Variants in ZNF592 observed in about 807,000 individuals in gnomAD.
ZNF592 encodes spinocerebellar ataxia, autosomal recessive 5.
In ZNF592, 11 loss-of-function variants were observed where a neutral mutation model predicts 80.3. That is an observed-to-expected ratio of 0.14 (90% CI 0.09 to 0.23). ZNF592 has a LOEUF of 0.23. ZNF592 is among the 10% of genes least tolerant of loss of function. The pLI is 1.00. For synonymous variants in ZNF592, 646 were observed against 640.3 expected, an observed-to-expected ratio of 1.01 and a Z score of -0.13; for missense variants, 1,420 against 1,633.9, an observed-to-expected ratio of 0.87 and a Z score of 2.26.
Position 84,782,827 on chromosome 15 carries a change from G to C in ZNF592, c.152G>C (p.Ser51Thr). The C allele has an allele frequency of 6.2e-7, 1 of 1,614,124 alleles. No individual in the cohort carries two copies. Among genetic ancestry groups the C allele is most frequent in the Non-Finnish European group, 8.5e-7 (1 of 1,180,032 alleles). ...LKPPGICMDE[S>T]VSLSHSGSAP... ...CCTCCAGGCATATGTATGGATGAAA[G>C]TGTGTCCTTGTCTCACTCAGGATCA... is the stretch of plus-strand genomic sequence containing the variant. Residue 51 changes from serine (S) to threonine (T), a missense_variant, in exon 4 of 11, where the codon AGT (serine) becomes ACT (threonine). This residue lies in a region of ZNF592 where 373 missense variants were observed against 355.5 expected (regional missense o/e 1.05). Coordinates refer to ENST00000560079, the MANE Select transcript of ZNF592 (RefSeq NM_014630.3).
chr15:84,790,079 G>A (rs1020638896), intron 4 of ZNF592, among the ~76,000 whole-genome samples: 2 of 86,130 alleles, frequency 2.3e-5, no homozygotes, highest in African/African-American at 9.0e-5. Flanking sequence ...GGGAACCCCC[G>A]CCACCCATCC....
intron 10 of ZNF592, among the ~76,000 whole-genome samples, chr15:84,800,993 CA>C (rs1371097296): frequency 6.6e-6 from 1 of 151,992 alleles, no homozygotes; most frequent in Non-Finnish European, 1.5e-5. Flanking sequence ...TTAAGTAAAA[CA>C]AAAACAAAAA....
chr15:84,779,155 A>G (rs543065766), intron 3 of ZNF592, among the ~76,000 whole-genome samples: 9 of 152,344 alleles, frequency 5.9e-5, no homozygotes, highest in African/African-American at 1.9e-4. Context: ...TAAGATATTA[A>G]TGATAATAAC....
In ZNF592 at chr15:84,803,261, C is replaced by T. The variant is rs1457711234; in HGVS notation, c.*868C>T. ...ACTCCTCTTGGCTACACTCATGTTGCTCAGACTATATTTCAAATAAAAAAT... is the reference window on the plus strand; with the variant it reads ...ACTCCTCTTGGCTACACTCATGTTGTTCAGACTATATTTCAAATAAAAAAT... On this transcript the variant is annotated 3_prime_UTR_variant, in exon 11 of 11. Transcript: ENST00000560079. 1 of 152,682 alleles carries T rather than the reference C, an allele frequency of 6.5e-6. No individual in the cohort carries two copies. Among genetic ancestry groups the T allele is most frequent in the Non-Finnish European group, 1.5e-5 (1 of 68,054 alleles). 9.5% of individuals were successfully genotyped at this position (152,682 alleles called of 1,614,324 possible).
chr15:84,799,362 A>T lies in ZNF592; in HGVS notation c.3137+152A>T. ...AGAAATTGCGGCTAAGTCAGAAATCAGGGGCAGGTCAAAAATCAGCTTCCA... is the reference window on the plus strand; with the variant it reads ...AGAAATTGCGGCTAAGTCAGAAATCTGGGGCAGGTCAAAAATCAGCTTCCA... On this transcript the variant is annotated intron_variant, in intron 9 of 10. Transcript: ENST00000560079. This position sits in a 1 kb window ranked among gnomAD's most constrained non-coding sequence, Gnocchi z 4.2. The T allele has an allele frequency of 1.2e-6, 1 of 851,866 alleles. No individual in the cohort carries two copies. The highest frequency in any genetic ancestry group is 1.9e-6 in the Non-Finnish European group (1 of 516,016). The allele number at this position is 851,866 out of a possible 1,614,324, so 52.8% of individuals were successfully genotyped here. A position where few individuals can be genotyped will look rare whatever the true frequency, so the allele number is the denominator to read the frequency against.
chr15:84,767,657 G>T (rs187024815), intron 2 of ZNF592, among the ~76,000 whole-genome samples: 6 of 152,128 alleles, frequency 3.9e-5, no homozygotes, highest in African/African-American at 1.4e-4. Context: ...AACTGTGCTT[G>T]CTGCCTATGC....
At chr15:84,775,455 C>CA (rs1340767803) in intron 2 of ZNF592, among the ~76,000 whole-genome samples, 1 of 151,212 alleles carries the variant, frequency 6.6e-6, no homozygotes, top group Admixed American at 6.6e-5. Flanking sequence ...TTTTTTGAGA[C>CA]AGAGTCTCGC....
At position 84,805,466 on chromosome 15, in the gene ZNF592, T is replaced by C. The variant is rs1314698929; in HGVS notation, c.*3073T>C. ...GTTAAACAGATAAGATCCCTTCCCT[T>C]GTAGAAACTACAACTTAATACAGTC... On this transcript the variant is annotated 3_prime_UTR_variant, in exon 11 of 11. Coordinates refer to ENST00000560079, the MANE Select transcript of ZNF592 (RefSeq NM_014630.3). 2.6e-5 allele frequency: 4 copies of C among 152,648 alleles called. No individual in the cohort carries two copies. The East Asian group carries it at 7.7e-4, about 29-fold the overall frequency. The allele number at this position is 152,648 out of a possible 1,614,324, so 9.5% of individuals were successfully genotyped here.
intron 2 of ZNF592, among the ~76,000 whole-genome samples, chr15:84,766,725 G>GTGTGTGTA (rs1555429343): frequency 6.7e-6 from 1 of 150,160 alleles, no homozygotes; most frequent in Non-Finnish European, 1.5e-5. Context: ...GTGTGTGTGT[G>GTGTGTGTA]TGTGTGTGTG....
chr15:84,768,203 TC>T (rs35733323), intron 2 of ZNF592, among the ~76,000 whole-genome samples: 28,847 of 148,946 alleles, frequency 0.19, 3,651 homozygotes, highest in Middle Eastern at 0.37. Flanking sequence ...CTTCTTATCT[TC>T]TTTCCTTTTC....
At chr15:84,751,066 G>C (rs1203828555) in intron 1 of ZNF592, among the ~76,000 whole-genome samples, 1 of 152,206 alleles carries the variant, frequency 6.6e-6, no homozygotes, top group Non-Finnish European at 1.5e-5. Context: ...TTAACTACCT[G>C]ATCTGTTTGG....
chr15:84,784,541 G>C lies in ZNF592; in HGVS notation c.1866G>C (p.Lys622Asn), dbSNP rs1401903190. Residue 622 changes from lysine to asparagine, a missense_variant, in exon 4 of 11, where the codon AAG (lysine) becomes AAC (asparagine). By Grantham distance (94) the Lys-to-Asn change is moderately conservative. Around this residue, in one of 7 missense-constraint regions of ZNF592, gnomAD observed 524 missense variants for 628.3 expected, o/e 0.83. Transcript: ENST00000560079. This position sits in a 1 kb window ranked among gnomAD's most constrained non-coding sequence, Gnocchi z 5.8. ...HIEVLCTLCS[K>N]TLLFFNKCSL... is the part of the protein sequence containing the mutation. ...AGGTACTGTGCACACTGTGCTCCAA[G>C]ACGCTGCTCTTCTTCAACAAGTGCA... 1 of 1,614,196 alleles carries C rather than the reference G, an allele frequency of 6.2e-7. No homozygotes were observed. The highest frequency in any genetic ancestry group is 8.5e-7 in the Non-Finnish European group (1 of 1,180,040).
Position 84,798,632 on chromosome 15 carries a change from C to T in ZNF592, c.2781C>T (p.Leu927=). 6.2e-7 allele frequency: 1 copy of T among 1,614,078 alleles called. No homozygotes were observed. The highest frequency in any genetic ancestry group is 1.1e-5 in the South Asian group (1 of 91,082). Reference sequence around the variant, plus strand: ...GAAATGTGGACGAGCTGTCAAGCCTCCAGTCTTCAGCGGACACATCCTCAA... The same window carrying T: ...GAAATGTGGACGAGCTGTCAAGCCTTCAGTCTTCAGCGGACACATCCTCAA... The part of the protein sequence containing the change: ...VPRNVDELSS[L]QSSADTSSSR... Residue 927 remains leucine (L), a synonymous_variant, in exon 8 of 11, where the codon CTC becomes CTT. Coordinates refer to ENST00000560079, the MANE Select transcript of ZNF592 (RefSeq NM_014630.3). The surrounding 1 kb of genome is among the most constrained non-coding windows in gnomAD (Gnocchi z 4.5).
chr15:84,800,495 C>T (rs1352402428), intron 10 of ZNF592, among the ~76,000 whole-genome samples: 4 of 152,156 alleles, frequency 2.6e-5, no homozygotes, highest in African/African-American at 9.7e-5. Flanking sequence ...GGTTTTTCCT[C>T]CTCACTCCAG....
At chr15:84,769,962 A>G (rs182181626) in intron 2 of ZNF592, among the ~76,000 whole-genome samples, 43 of 152,312 alleles carry the variant, frequency 2.8e-4, no homozygotes, top group Non-Finnish European at 4.3e-4. Context: ...TTCAAAAGCA[A>G]TACTCTGGCT....
chr15:84,770,018 A>T (rs945826559), intron 2 of ZNF592, among the ~76,000 whole-genome samples: 7 of 152,256 alleles, frequency 4.6e-5, no homozygotes, highest in Non-Finnish European at 7.3e-5. Flanking sequence ...AAGCAAGAAG[A>T]TCAGTTGGCA....
In ZNF592 at chr15:84,798,655, C is replaced by T; in HGVS notation, c.2804C>T (p.Ser935Leu). ...SSLQSSADTS[S>L]SRPGSRVPTE... ...CTCCAGTCTTCAGCGGACACATCCT[C>T]AAGCCGCCCTGGCTCTCGAGTTCCC... is the stretch of plus-strand genomic sequence containing the variant. Residue 935 changes from serine to leucine, a missense_variant, in exon 8 of 11, where the codon TCA (serine) becomes TTA (leucine). By Grantham distance (145) the Ser-to-Leu change is moderately radical. Coordinates refer to ENST00000560079, the MANE Select transcript of ZNF592 (RefSeq NM_014630.3). The surrounding 1 kb of genome is among the most constrained non-coding windows in gnomAD (Gnocchi z 4.5). 6.2e-7 allele frequency: 1 copy of T among 1,613,972 alleles called. No individual in the cohort carries two copies. Among genetic ancestry groups the T allele is most frequent in the South Asian group, 1.1e-5 (1 of 91,084 alleles).
chr15:84,796,393 G>A (rs1006918089), intron 5 of ZNF592, among the ~76,000 whole-genome samples: 3 of 150,564 alleles, frequency 2.0e-5, no homozygotes, highest in Non-Finnish European at 4.4e-5. Context: ...TGCCTATGGG[G>A]ATGTCAATAA....
At chr15:84,748,800 C>T (rs1898924523) in intron 1 of ZNF592, 136 bp downstream of exon 1, 1 of 147,264 alleles carries the variant, frequency 6.8e-6, no homozygotes, top group African/African-American at 2.4e-5. Context: ...CGGACCCTGG[C>T]CGCCGCCAGA....
Sources: allele counts gnomAD v4.1 joint callset (sites outside exome capture counted in the v4.1 genomes callset), GRCh38; gene constraint gnomAD v4.1.1; regional missense constraint gnomAD v4.1.1; non-coding constraint Gnocchi (gnomAD v3.1); transcripts MANE v1.5; gene names NCBI Gene and HGNC (gene_info 2026-07-23, HGNC 2026-07-21).